Variants in ADAMTSL3 observed in about 807,000 individuals in gnomAD.
ADAMTSL3 encodes ADAMTS-like protein 3.
In ADAMTSL3, 128 loss-of-function variants were observed where a neutral mutation model predicts 201.7. That is an observed-to-expected ratio of 0.63 (90% confidence interval 0.55 to 0.73). The LOEUF (loss-of-function observed/expected upper bound fraction) is 0.73, where lower values mean the gene tolerates loss of function less well. Among genes scored for constraint, ADAMTSL3 ranks in the 30% least tolerant of loss-of-function variants. ADAMTSL3 has a pLI of 0.00. For missense variants in ADAMTSL3, 1,990 were observed against 2,119.6 expected (o/e 0.94, Z 1.20); for synonymous variants, 738 against 748.4 (o/e 0.99, Z 0.23).
chr15:83,673,358 A>G (rs1366673079), intron 2 of ADAMTSL3, among the ~76,000 whole-genome samples: 1 of 152,246 alleles, frequency 6.6e-6, no homozygotes, highest in African/African-American at 2.4e-5. Context: ...TAATTGTACG[A>G]CACAGAGCAA....
At chr15:83,813,887 C>T (rs766521933) in intron 5 of ADAMTSL3, among the ~76,000 whole-genome samples, 5 of 152,118 alleles carry the variant, frequency 3.3e-5, no homozygotes, top group South Asian at 4.2e-4. Context: ...TGCATGTCAG[C>T]AGGGAGGTCT....
rs968063229 is a variant in ADAMTSL3 at position 83,774,996 on chromosome 15, G to T, written c.317+1346G>T. 2.6e-5 allele frequency among the ~76,000 whole-genome samples: 4 copies of T among 152,130 alleles called. No individual in the cohort carries two copies. In the South Asian group the frequency reaches 8.3e-4, roughly 32 times the overall value. ...CAAGTAGCTGGGATTACAGGTGCCTGCCACCATGCCTGGCTAATTTTTGTA... is the reference window on the plus strand; with the variant it reads ...CAAGTAGCTGGGATTACAGGTGCCTTCCACCATGCCTGGCTAATTTTTGTA... On this transcript the variant is annotated intron_variant, in intron 4 of 29. Coordinates refer to ENST00000286744, the MANE Select transcript of ADAMTSL3 (RefSeq NM_207517.3).
chr15:83,962,463 C>A (rs2066991081), intron 19 of ADAMTSL3: 1 of 152,076 alleles, frequency 6.6e-6, no homozygotes, highest in Admixed American at 6.5e-5. Flanking sequence ...TTAGAGTGTT[C>A]TTTCGGGAAT....
rs2061048640 is a variant in ADAMTSL3 at position 83,654,463 on chromosome 15, G to C, written c.-34+187G>C. 6.6e-6 allele frequency among the ~76,000 whole-genome samples: 1 copy of C among 152,098 alleles called. No individual in the cohort carries two copies. Among genetic ancestry groups the C allele is most frequent in the Non-Finnish European group, 1.5e-5 (1 of 68,018 alleles). Reference sequence around the variant, plus strand: ...GTGCTCCTCACTGCTGGGCACCTCGGGTCGGGCGCGCTTCGTGCCGTCCCG... The same window carrying C: ...GTGCTCCTCACTGCTGGGCACCTCGCGTCGGGCGCGCTTCGTGCCGTCCCG... On this transcript the variant is annotated intron_variant, in intron 1 of 29. Coordinates refer to ENST00000286744, the MANE Select transcript of ADAMTSL3 (RefSeq NM_207517.3). This position sits in a 1 kb window ranked among gnomAD's most constrained non-coding sequence, Gnocchi z 5.3.
intron 16 of ADAMTSL3, among the ~76,000 whole-genome samples, chr15:83,920,585 G>A (rs2066121638): frequency 6.6e-6 from 1 of 152,110 alleles, no homozygotes; most frequent in Non-Finnish European, 1.5e-5. Flanking sequence ...ACAGCAGAAA[G>A]AGAAAAAAAT....
chr15:83,976,610 A>G (rs112749487), intron 20 of ADAMTSL3, among the ~76,000 whole-genome samples: 2 of 151,972 alleles, frequency 1.3e-5, no homozygotes, highest in African/African-American at 4.8e-5. Flanking sequence ...GAGACACATC[A>G]TTAGGCATTA....
intron 7 of ADAMTSL3, among the ~76,000 whole-genome samples, chr15:83,854,383 G>T (rs1031995398): frequency 1.1e-4 from 17 of 152,136 alleles, no homozygotes; most frequent in Non-Finnish European, 1.9e-4. Context: ...CCTGTGAATT[G>T]ATCAGCAAGG....
At chr15:83,783,835 C>CTGTGTGTG (rs1382391275) in intron 4 of ADAMTSL3, among the ~76,000 whole-genome samples, 1 of 65,452 alleles carries the variant, frequency 1.5e-5, no homozygotes, top group Non-Finnish European at 3.2e-5. Flanking sequence ...TGCATATATA[C>CTGTGTGTG]TCTGTGTGTG....
At chr15:84,010,060 G>A (rs2067980059) in intron 23 of ADAMTSL3, among the ~76,000 whole-genome samples, 1 of 152,174 alleles carries the variant, frequency 6.6e-6, no homozygotes, top group African/African-American at 2.4e-5. Context: ...AAACATCCCT[G>A]AATTGTAAAA....
chr15:83,909,989 A>G (rs2065903806), intron 15 of ADAMTSL3, among the ~76,000 whole-genome samples: 1 of 152,162 alleles, frequency 6.6e-6, no homozygotes, highest in Non-Finnish European at 1.5e-5. Flanking sequence ...CATCCCTACA[A>G]AAGTTTTCTT....
chr15:83,935,006 GAAC>G (rs2066436588), intron 17 of ADAMTSL3, among the ~76,000 whole-genome samples: 1 of 152,184 alleles, frequency 6.6e-6, no homozygotes, highest in African/African-American at 2.4e-5. Flanking sequence ...GTGAACCCAT[GAAC>G]ATAGAGTGTG....
At chr15:83,859,247 T>C (rs2064806146) in intron 8 of ADAMTSL3, among the ~76,000 whole-genome samples, 1 of 152,214 alleles carries the variant, frequency 6.6e-6, no homozygotes, top group African/African-American at 2.4e-5. Flanking sequence ...AGACCATAGG[T>C]AGATTCAAAT....
intron 2 of ADAMTSL3, among the ~76,000 whole-genome samples, chr15:83,663,863 T>C (rs967524907): frequency 9.9e-5 from 15 of 152,216 alleles, no homozygotes; most frequent in Non-Finnish European, 1.5e-4. Flanking sequence ...ATGGGAGCTC[T>C]CTCCTTGTGT....
At chr15:83,822,906 T>C (rs1181707534) in intron 6 of ADAMTSL3, among the ~76,000 whole-genome samples, 11 of 151,802 alleles carry the variant, frequency 7.2e-5, no homozygotes, top group Admixed American at 3.3e-4. Flanking sequence ...CTGGGCACCA[T>C]TGAGCACTGA....
At chr15:83,676,008 C>A (rs915015963) in intron 2 of ADAMTSL3, among the ~76,000 whole-genome samples, 5 of 151,708 alleles carry the variant, frequency 3.3e-5, no homozygotes, top group African/African-American at 1.2e-4. Context: ...TTACTTTTTT[C>A]TTTGTCAGCT....
rs1235499070 is a variant in ADAMTSL3 at position 83,894,968 on chromosome 15, A to T, written c.1467+2080A>T. Among the ~76,000 whole-genome samples, 3 of 152,334 alleles carry T rather than the reference A, an allele frequency of 2.0e-5. No individual in the cohort carries two copies. In the East Asian group the frequency reaches 5.8e-4, roughly 29 times the overall value. Reference sequence around the variant, plus strand: ...AACTTAAAAAATAGTCCATATATTCATCATCAGAATGAGCCATGTGTTCAG... The same window carrying T: ...AACTTAAAAAATAGTCCATATATTCTTCATCAGAATGAGCCATGTGTTCAG... On this transcript the variant is annotated intron_variant, in intron 13 of 29. Transcript: ENST00000286744.
Position 83,947,538 on chromosome 15 carries a change from A to G in ADAMTSL3, c.2490+4456A>G, listed in dbSNP as rs567329075. Among the ~76,000 whole-genome samples the G allele has an allele frequency of 4.6e-5, 7 of 152,326 alleles. No individual in the cohort carries two copies. The East Asian group carries it at 1.2e-3, about 25-fold the overall frequency. On this transcript the variant is annotated intron_variant, in intron 19 of 29. Coordinates refer to ENST00000286744, the MANE Select transcript of ADAMTSL3 (RefSeq NM_207517.3). ...CAAATGGTGAATTTCTGTGATCCACATACCCCTTGTAGCCTGTTTTGTGTC... is the reference window on the plus strand; with the variant it reads ...CAAATGGTGAATTTCTGTGATCCACGTACCCCTTGTAGCCTGTTTTGTGTC...
At chr15:83,817,495 G>A (rs895076017) in intron 5 of ADAMTSL3, among the ~76,000 whole-genome samples, 2 of 152,032 alleles carry the variant, frequency 1.3e-5, no homozygotes, top group African/African-American at 2.4e-5. Flanking sequence ...AAACCTGAAC[G>A]GGAAATATTA....
intron 3 of ADAMTSL3, among the ~76,000 whole-genome samples, chr15:83,765,818 C>T (rs2062880557): frequency 6.6e-6 from 1 of 152,120 alleles, no homozygotes; most frequent in South Asian, 2.1e-4. Context: ...GTGCATACTG[C>T]TTCTTTGGAA....
Sources: allele counts gnomAD v4.1 joint callset (sites outside exome capture counted in the v4.1 genomes callset), GRCh38; gene constraint gnomAD v4.1.1; non-coding constraint Gnocchi (gnomAD v3.1); transcripts MANE v1.5; gene names NCBI Gene and HGNC (gene_info 2026-07-23, HGNC 2026-07-21).